Variants in SNTG1 observed in about 807,000 individuals in gnomAD.
SNTG1 encodes the protein gamma-1-syntrophin.
Under a neutral mutation model 74.7 loss-of-function variants are expected in SNTG1, and 39 were observed. That is an observed-to-expected ratio of 0.52 (90% CI 0.40 to 0.68). The LOEUF is 0.68. Among genes scored for constraint, SNTG1 ranks in the 30% least tolerant of loss-of-function variants. The pLI is 0.00. For missense variants in SNTG1, 685 were observed against 609.5 expected (o/e 1.12, Z -1.30); for synonymous variants, 254 against 217.1 (o/e 1.17, Z -1.49).
chr8:50,407,547 G>C (rs1267833349), intron 4 of SNTG1, among the ~76,000 whole-genome samples: 4 of 152,120 alleles, frequency 2.6e-5, no homozygotes, highest in African/African-American at 9.7e-5. Context: ...TATATTTTCA[G>C]GTCTATCACA....
rs2080923997 is a variant in SNTG1, at chr8:50,119,355, T to G, written c.-102-53206T>G. ...AAATGGCCTCCTTGGATTAATCAAG[T>G]ACCTTCAGAGGCAACTTGTGCTCAG... On this transcript the variant is annotated intron_variant, in intron 1 of 18. Coordinates refer to ENST00000642720, the MANE Select transcript of SNTG1 (RefSeq NM_018967.5). Among the ~76,000 whole-genome samples the G allele has an allele frequency of 1.4e-5, 2 of 140,304 alleles. 1 individual carries two copies. The highest frequency in any genetic ancestry group is 5.2e-5 in the African/African-American group (2 of 38,782). 92.0% of individuals were successfully genotyped at this position (140,304 alleles called of 152,430 possible).
At chr8:50,385,221 C>A (rs537085260) in intron 2 of SNTG1, among the ~76,000 whole-genome samples, 1 of 152,180 alleles carries the variant, frequency 6.6e-6, no homozygotes, top group Admixed American at 6.5e-5. Flanking sequence ...CTGTTCTGGA[C>A]CCCACTTGAA....
At chr8:49,969,385 ATCT>A (rs1390989045) in intron 1 of SNTG1, among the ~76,000 whole-genome samples, 2,343 of 116,580 alleles carry the variant, frequency 0.02, 226 homozygotes, top group East Asian at 0.056. Flanking sequence ...AATTCATTTA[ATCT>A]TTTTTTTTTT....
At chr8:49,919,597 T>G (rs1806348754) in intron 1 of SNTG1, among the ~76,000 whole-genome samples, 1 of 152,092 alleles carries the variant, frequency 6.6e-6, no homozygotes, top group Non-Finnish European at 1.5e-5. Context: ...ATGTTTGACT[T>G]TAAATGTAAT....
At chr8:50,697,573 G>A (rs1010814511) in intron 15 of SNTG1, among the ~76,000 whole-genome samples, 1 of 152,062 alleles carries the variant, frequency 6.6e-6, no homozygotes, top group Admixed American at 6.6e-5. Context: ...TGTCATATAT[G>A]ACCTTTATTA....
chr8:50,687,961 G>C (rs1241216254), intron 15 of SNTG1, among the ~76,000 whole-genome samples: 1 of 152,200 alleles, frequency 6.6e-6, no homozygotes. Context: ...ACTGGTGTTA[G>C]ATGGTATCTC....
intron 4 of SNTG1, among the ~76,000 whole-genome samples, chr8:50,435,750 T>G (rs189201613): frequency 6.6e-6 from 1 of 152,322 alleles, no homozygotes; most frequent in Non-Finnish European, 1.5e-5. Context: ...GCATGTTGTG[T>G]GTGTGCCCAG....
intron 9 of SNTG1, among the ~76,000 whole-genome samples, chr8:50,526,911 C>T (rs900135441): frequency 2.0e-5 from 3 of 152,020 alleles, no homozygotes; most frequent in Admixed American, 6.6e-5. Flanking sequence ...CATGAGGCAC[C>T]GCGCCCGGCC....
At chr8:49,986,486 G>A (rs1436231846) in intron 1 of SNTG1, among the ~76,000 whole-genome samples, 1 of 152,080 alleles carries the variant, frequency 6.6e-6, no homozygotes, top group Non-Finnish European at 1.5e-5. Context: ...TTCTTGTGTT[G>A]CCAATTTTAT....
chr8:50,731,615 G>T (rs1035826975), intron 17 of SNTG1, among the ~76,000 whole-genome samples: 3 of 152,010 alleles, frequency 2.0e-5, no homozygotes, highest in Admixed American at 6.6e-5. Flanking sequence ...ACACTCTCCT[G>T]TCTGGGTCTA....
intron 2 of SNTG1, among the ~76,000 whole-genome samples, chr8:50,186,068 A>G (rs1420285395): frequency 6.6e-6 from 1 of 151,176 alleles, no homozygotes; most frequent in Non-Finnish European, 1.5e-5. Context: ...TCATTGTTGA[A>G]CTCCCACTTA....
At chr8:50,350,955 GC>G (rs1312474421) in intron 2 of SNTG1, among the ~76,000 whole-genome samples, 21 of 152,208 alleles carry the variant, frequency 1.4e-4, no homozygotes, top group Admixed American at 8.5e-4. Context: ...GGCTGTGGAA[GC>G]TTTGTTCTTT....
At chr8:50,660,274 GAA>G (rs2095212370) in intron 15 of SNTG1, among the ~76,000 whole-genome samples, 2 of 147,960 alleles carry the variant, frequency 1.4e-5, no homozygotes, top group Admixed American at 6.8e-5. Flanking sequence ...GAGAGAGAGA[GAA>G]AGAAGGAAAG....
At chr8:50,410,409 TTGTATGCCAATGTTATCATTTATTTGC>T in intron 4 of SNTG1, among the ~76,000 whole-genome samples, 1 of 152,342 alleles carries the variant, frequency 6.6e-6, no homozygotes, top group East Asian at 1.9e-4. Flanking sequence ...AAAAAAACTC[TTGTATGCCAATGTTATCATTTATTTGC>T]TGATTTTAAT....
chr8:50,229,940 T>C (rs1445499559), intron 2 of SNTG1, among the ~76,000 whole-genome samples: 1 of 151,524 alleles, frequency 6.6e-6, no homozygotes, highest in Admixed American at 6.6e-5. Context: ...ATGTGGGACA[T>C]CCTCCAATAT....
chr8:50,220,504 G>T (rs983341470), intron 2 of SNTG1, among the ~76,000 whole-genome samples: 1 of 152,192 alleles, frequency 6.6e-6, no homozygotes, highest in Non-Finnish European at 1.5e-5. Context: ...TGCCCATCCA[G>T]ATATATTCAT....
rs147817843 is a variant in SNTG1, at chr8:50,769,996, C to T, written c.1395+17885C>T. Among the ~76,000 whole-genome samples, 564 of 152,026 alleles carry T rather than the reference C, an allele frequency of 3.7e-3. 4 individuals carry two copies. Among genetic ancestry groups the T allele is most frequent in the African/African-American group, 0.013 (522 of 41,510 alleles). On this transcript the variant is annotated intron_variant, in intron 18 of 18. Transcript: ENST00000642720. ...TCAGGAGATTAAGATACATAATAAA[C>T]CAATAATCCAAATCACAAAGAGTAC... is the stretch of plus-strand genomic sequence containing the variant.
intron 2 of SNTG1, among the ~76,000 whole-genome samples, chr8:50,314,258 T>A (rs2090230989): frequency 6.7e-6 from 1 of 149,788 alleles, no homozygotes; most frequent in Admixed American, 6.8e-5. Flanking sequence ...GTCTTGTTTT[T>A]TTTTAATTCC....
intron 2 of SNTG1, among the ~76,000 whole-genome samples, chr8:50,223,846 A>G (rs2085190140): frequency 1.3e-5 from 2 of 152,114 alleles, no homozygotes; most frequent in African/African-American, 4.8e-5. Context: ...GAACAGATGC[A>G]TTAGCTACAC....
Sources: allele counts gnomAD v4.1 joint callset (sites outside exome capture counted in the v4.1 genomes callset), GRCh38; gene constraint gnomAD v4.1.1; transcripts MANE v1.5; gene names NCBI Gene and HGNC (gene_info 2026-07-23, HGNC 2026-07-21).